The following PEAK1 variants were observed in gnomAD, a reference collection of about 807,000 sequenced individuals.
The protein encoded by PEAK1 is inactive tyrosine-protein kinase PEAK1.
Under a neutral mutation model 124.7 loss-of-function variants are expected in PEAK1, and 54 were observed. That is an observed-to-expected ratio of 0.43 (90% CI 0.35 to 0.54). The LOEUF (loss-of-function observed/expected upper bound fraction) is 0.54. Ranked by LOEUF, PEAK1 falls within the 20% of genes least tolerant of loss-of-function variation. The pLI, the probability that PEAK1 is intolerant of heterozygous loss-of-function variation, is 0.01. For missense variants in PEAK1, 2,046 were observed against 2,134.5 expected, an observed-to-expected ratio of 0.96 and a Z score of 0.82; for synonymous variants, 719 against 760.0, an observed-to-expected ratio of 0.95 and a Z score of 0.89.
chr15:77,140,138 C>T (rs1027978551), intron 8 of PEAK1, among the ~76,000 whole-genome samples: 1 of 152,132 alleles, frequency 6.6e-6, no homozygotes, highest in Non-Finnish European at 1.5e-5. Flanking sequence ...GACCAGATGG[C>T]TTCACTGATG....
intron 9 of PEAK1, among the ~76,000 whole-genome samples, chr15:77,130,933 T>A (rs2052802682): frequency 6.6e-6 from 1 of 152,206 alleles, no homozygotes; most frequent in Non-Finnish European, 1.5e-5. Context: ...CTCCATAAGA[T>A]GGGTGCCATT....
chr15:77,357,829 G>A (rs1410489825), intron 2 of PEAK1, among the ~76,000 whole-genome samples: 1 of 151,996 alleles, frequency 6.6e-6, no homozygotes, highest in Non-Finnish European at 1.5e-5. Context: ...TTACAGAGAA[G>A]AGACAGAGGC....
chr15:77,165,495 C>A (rs1295889088), intron 7 of PEAK1, among the ~76,000 whole-genome samples: 1 of 152,208 alleles, frequency 6.6e-6, no homozygotes, highest in Non-Finnish European at 1.5e-5. Context: ...CTGCGCCCGA[C>A]CCTTGGAACA....
intron 6 of PEAK1, among the ~76,000 whole-genome samples, chr15:77,185,907 C>T (rs1346905258): frequency 2.6e-5 from 4 of 152,060 alleles, no homozygotes; most frequent in East Asian, 1.9e-4. Context: ...ACAAAGGAAT[C>T]GAAGCCTAGA....
intron 6 of PEAK1, among the ~76,000 whole-genome samples, chr15:77,228,317 A>G (rs1053227584): frequency 6.6e-6 from 1 of 152,160 alleles, no homozygotes; most frequent in African/African-American, 2.4e-5. Flanking sequence ...GAGTGGGCTC[A>G]CAAAAATTAT....
chr15:77,120,278 C>T (rs141527202), intron 9 of PEAK1, among the ~76,000 whole-genome samples: 60 of 152,298 alleles, frequency 3.9e-4, no homozygotes, highest in African/African-American at 1.3e-3. Flanking sequence ...TCCGTGTCTA[C>T]ATTTGTAACG....
At chr15:77,161,265 G>A (rs916604475) in intron 7 of PEAK1, among the ~76,000 whole-genome samples, 4 of 152,132 alleles carry the variant, frequency 2.6e-5, no homozygotes, top group African/African-American at 9.7e-5. Context: ...GAAAAGGCTT[G>A]ATTCTGTTCC....
intron 2 of PEAK1, chr15:77,355,779 G>A (rs1210958220): frequency 2.0e-6 from 2 of 985,206 alleles, no homozygotes; most frequent in African/African-American, 3.5e-5. Flanking sequence ...CTGAGAAAAA[G>A]TTTACCTCGA....
In PEAK1 at chr15:77,320,648, AT is replaced by A. The variant is rs964165642; in HGVS notation, c.-602-34145del. Among the ~76,000 whole-genome samples, 35 of 152,030 alleles carry A rather than the reference AT, an allele frequency of 2.3e-4. 1 individual carries two copies. Among genetic ancestry groups the A allele is most frequent in the African/African-American group, 3.6e-4 (15 of 41,478 alleles). On this transcript the variant is annotated intron_variant, in intron 2 of 9. Coordinates refer to ENST00000682557, the MANE Select transcript of PEAK1 (RefSeq NM_001385026.1). ...TGTGCCAAAGTTTAAGACTTTATTTATTTTTTTCCCCCAGCATTTTTTTTAT... is the reference window on the plus strand; with the variant it reads ...TGTGCCAAAGTTTAAGACTTTATTTATTTTTTCCCCCAGCATTTTTTTTAT...
At chr15:77,253,074 T>A (rs897474687) in intron 5 of PEAK1, among the ~76,000 whole-genome samples, 6 of 152,184 alleles carry the variant, frequency 3.9e-5, no homozygotes, top group African/African-American at 1.4e-4. Context: ...TGAGCATCTA[T>A]CTTATACATG....
intron 9 of PEAK1, among the ~76,000 whole-genome samples, chr15:77,119,487 C>G (rs535960197): frequency 2.0e-5 from 3 of 152,298 alleles, no homozygotes; most frequent in African/African-American, 7.2e-5. Flanking sequence ...GACACAGCAT[C>G]CTGAAGCATT....
chr15:77,420,638 C>A (rs564576791), upstream of PEAK1: 36 of 307,542 alleles, frequency 1.2e-4, no homozygotes, highest in Non-Finnish European at 1.5e-4. Flanking sequence ...AAAAAAAAAA[C>A]TACATCTCCC....
At chr15:77,350,702 C>T in intron 2 of PEAK1, 1 of 984,902 alleles carries the variant, frequency 1.0e-6, no homozygotes, top group African/African-American at 1.7e-5. Context: ...TCAGCCATAG[C>T]TCTAAACAAG....
Position 77,180,195 on chromosome 15 carries a change from T to C in PEAK1, c.1732A>G (p.Ile578Val). ...TTAACAGGGATGGTTTTGGAGGAAA[T>C]GTTTGTAGCTGTGGGTGATGTAGGT... is the stretch of plus-strand genomic sequence containing the variant. ...SAPTSPTATN[I>V]SSKTIPVKSP... The change falls in exon 7 of 10, where the codon ATT becomes GTT. Residue 578 changes from isoleucine to valine, a missense_variant. By Grantham distance (29) the Ile-to-Val change is conservative. Coordinates refer to ENST00000682557, the MANE Select transcript of PEAK1 (RefSeq NM_001385026.1). 4 of 1,614,154 alleles carry C rather than the reference T, an allele frequency of 2.5e-6. No homozygotes were observed. Among genetic ancestry groups the C allele is most frequent in the Non-Finnish European group, 3.4e-6 (4 of 1,180,014 alleles).
chr15:77,179,332 C>T lies in PEAK1; in HGVS notation c.2595G>A (p.Glu865=). The T allele has an allele frequency of 6.2e-7, 1 of 1,613,838 alleles. No individual in the cohort carries two copies. The highest frequency in any genetic ancestry group is 8.5e-7 in the Non-Finnish European group (1 of 1,179,968). ...GTGGCGGGGGAAAGGGAGCTGGTGG[C>T]TCACTTTGGGGGCTAGTCACTAATT... ...PSKLVTSPQS[E]PPAPFPPPRS... The change falls in exon 7 of 10, where the codon GAG becomes GAA. Residue 865 remains glutamate (E), a synonymous_variant. Coordinates refer to ENST00000682557, the MANE Select transcript of PEAK1 (RefSeq NM_001385026.1).
intron 2 of PEAK1, chr15:77,331,138 TATTTA>T: frequency 3.6e-6 from 2 of 551,808 alleles, no homozygotes. Flanking sequence ...TTTACTTATT[TATTTA>T]TTTTGAGACG....
intron 6 of PEAK1, among the ~76,000 whole-genome samples, chr15:77,203,401 G>C (rs1228278832): frequency 6.6e-6 from 1 of 152,128 alleles, no homozygotes; most frequent in Non-Finnish European, 1.5e-5. Context: ...GAATAGGTAG[G>C]CAAAGCAGAA....
chr15:77,326,769 A>G (rs762005737), intron 2 of PEAK1, among the ~76,000 whole-genome samples: 1 of 152,152 alleles, frequency 6.6e-6, no homozygotes. Context: ...TCTTGATACT[A>G]TTCTATTTAG....
chr15:77,403,438 T>C, intron 1 of PEAK1: 1 of 925,082 alleles, frequency 1.1e-6, no homozygotes, highest in Non-Finnish European at 1.3e-6. Flanking sequence ...ACATATTGAT[T>C]GTAAGGGTAA....
Sources: gnomAD v4.1 joint callset for allele counts (sites outside exome capture counted in the v4.1 genomes callset) on GRCh38, gnomAD v4.1.1 for gene constraint, MANE v1.5 for transcripts, NCBI Gene and HGNC (gene_info 2026-07-23, HGNC 2026-07-21) for gene names.